Variants in FAT3 observed in about 807,000 individuals in gnomAD.
FAT3 encodes the protein FAT atypical cadherin 3.
FAT3 carries 95 observed loss-of-function variants against 310.2 expected under a neutral mutation model. The ratio of observed to expected loss-of-function variants is 0.31; its 90% CI spans 0.26 to 0.36. The LOEUF is 0.36. Ranked by LOEUF, FAT3 falls within the 10% of genes least tolerant of loss-of-function variation. The probability of loss-of-function intolerance (pLI) is 1.00; values close to 1 mark genes in which losing one functional copy is unlikely to be tolerated. For missense variants in FAT3, 5,408 were observed against 5,715.6 expected, an observed-to-expected ratio of 0.95 and a Z score of 1.74; for synonymous variants, 2,314 against 2,192.9, an observed-to-expected ratio of 1.06 and a Z score of -1.54.
At chr11:92,653,649 A>C (rs2135768888) in intron 3 of FAT3, among the ~76,000 whole-genome samples, 1 of 152,354 alleles carries the variant, frequency 6.6e-6, no homozygotes, top group Non-Finnish European at 1.5e-5. Flanking sequence ...GTTTCACAAT[A>C]GAGCTTAAAT....
intron 7 of FAT3, among the ~76,000 whole-genome samples, chr11:92,775,586 A>G (rs575201472): frequency 7.9e-5 from 12 of 152,202 alleles, no homozygotes; most frequent in Non-Finnish European, 1.6e-4. Flanking sequence ...TGCCTTAAAG[A>G]GTCCCATTTA....
intron 4 of FAT3, among the ~76,000 whole-genome samples, chr11:92,733,683 G>A (rs1188972504): frequency 6.6e-6 from 1 of 152,140 alleles, no homozygotes; most frequent in South Asian, 2.1e-4. Flanking sequence ...TGACTTGAGA[G>A]AGAAGATATG....
chr11:92,836,099 A>C (rs988808431), intron 15 of FAT3, among the ~76,000 whole-genome samples: 7 of 152,196 alleles, frequency 4.6e-5, no homozygotes, highest in African/African-American at 1.7e-4. Flanking sequence ...AAATTTCAAC[A>C]TCATCAACCT....
In FAT3 at chr11:92,350,882, G is replaced by A. The variant is rs140257554; in HGVS notation, c.-17-1214G>A. The stretch of plus-strand genomic sequence containing the variant: ...AAGGAAGAAAAGGAGAATGTCAAGG[G>A]CTTGCAGAGTATAAGACTGGATGGA... On this transcript the variant is annotated intron_variant, in intron 1 of 27. Transcript: ENST00000525166. 1.5e-4 allele frequency among the ~76,000 whole-genome samples: 23 copies of A among 152,224 alleles called. No individual in the cohort carries two copies. The East Asian group carries it at 3.3e-3, about 22-fold the overall frequency.
At chr11:92,886,940 CT>C in intron 24 of FAT3, 59 bp from the exon 25 acceptor site, 1 of 1,382,094 alleles carries the variant, frequency 7.2e-7, no homozygotes, top group Non-Finnish European at 1.0e-6. Flanking sequence ...GTGGGTGGGA[CT>C]GGAAATAGGC....
intron 4 of FAT3, among the ~76,000 whole-genome samples, chr11:92,715,540 T>G (rs1304447517): frequency 6.6e-6 from 1 of 152,012 alleles, no homozygotes; most frequent in Non-Finnish European, 1.5e-5. Context: ...TAATTAACCA[T>G]AAACACACTC....
intron 2 of FAT3, among the ~76,000 whole-genome samples, chr11:92,455,031 A>G (rs976572742): frequency 3.3e-5 from 5 of 152,162 alleles, no homozygotes; most frequent in African/African-American, 9.7e-5. Context: ...GGGAGTTCCC[A>G]TGTACTGTAT....
chr11:92,353,728 C>T lies in FAT3; in HGVS notation c.1616C>T (p.Ser539Phe), dbSNP rs1315776262. ...STTEELDFES[S>F]PEIYRFIVRA... ...ACTGAAGAACTGGATTTTGAATCCT[C>T]CCCAGAAATTTACAGATTCATTGTT... The change falls in exon 2 of 28, where the codon TCC (serine) becomes TTC (phenylalanine). Residue 539 changes from serine (S) to phenylalanine (F), a missense_variant. By Grantham distance (155) the Ser-to-Phe change is radical (BLOSUM62 -2). Around this residue, in one of 5 missense-constraint regions of FAT3, gnomAD observed 4,588 missense variants for 4,809.8 expected, o/e 0.95. Coordinates refer to ENST00000525166, the MANE Select transcript of FAT3 (RefSeq NM_001367949.2). The T allele has an allele frequency of 1.9e-6, 3 of 1,613,866 alleles. No homozygotes were observed. Among genetic ancestry groups the T allele is most frequent in the Non-Finnish European group, 2.5e-6 (3 of 1,179,854 alleles).
At chr11:92,386,941 C>G (rs1949637509) in intron 2 of FAT3, among the ~76,000 whole-genome samples, 2 of 152,156 alleles carry the variant, frequency 1.3e-5, no homozygotes. Flanking sequence ...GTGTGGGATT[C>G]TAGACAGCCA....
chr11:92,820,894 C>A (rs1947948870), intron 13 of FAT3, among the ~76,000 whole-genome samples: 1 of 152,208 alleles, frequency 6.6e-6, no homozygotes, highest in South Asian at 2.1e-4. Flanking sequence ...ATTCCCTGAT[C>A]ATAGCCATTA....
chr11:92,393,867 A>T (rs752924714), intron 2 of FAT3, among the ~76,000 whole-genome samples: 39 of 152,118 alleles, frequency 2.6e-4, no homozygotes, highest in Non-Finnish European at 5.1e-4. Context: ...CTTTCTGTTG[A>T]CACTAACATG....
At chr11:92,587,400 C>G (rs1939209536) in intron 3 of FAT3, among the ~76,000 whole-genome samples, 1 of 151,874 alleles carries the variant, frequency 6.6e-6, no homozygotes, top group Non-Finnish European at 1.5e-5. Context: ...AACGAATCTG[C>G]TTTTACTTTT....
chr11:92,884,290 A>T (rs1374289967), intron 24 of FAT3, among the ~76,000 whole-genome samples: 10 of 152,204 alleles, frequency 6.6e-5, no homozygotes. Context: ...TACATTTTTT[A>T]AAGCTGGCTC....
At chr11:92,864,876 T>C (rs1949199565) in intron 21 of FAT3, among the ~76,000 whole-genome samples, 1 of 152,202 alleles carries the variant, frequency 6.6e-6, no homozygotes, top group South Asian at 2.1e-4. Flanking sequence ...TAAACATTTG[T>C]CTTCAGTCTT....
intron 22 of FAT3, 112 bp from the exon 23 acceptor site, chr11:92,880,619 C>T (rs887383859): frequency 8.8e-5 from 108 of 1,220,942 alleles, no homozygotes; most frequent in Non-Finnish European, 1.1e-4. Flanking sequence ...GGAATTTGGG[C>T]CCTTCCTATT....
At chr11:92,813,088 G>A (rs1053716315) in intron 13 of FAT3, among the ~76,000 whole-genome samples, 2 of 152,082 alleles carry the variant, frequency 1.3e-5, no homozygotes, top group Admixed American at 6.6e-5. Context: ...TGCTGTGATT[G>A]TAAGTTTCCT....
At chr11:92,522,656 A>G (rs1223428249) in intron 2 of FAT3, among the ~76,000 whole-genome samples, 1 of 152,184 alleles carries the variant, frequency 6.6e-6, no homozygotes, top group African/African-American at 2.4e-5. Flanking sequence ...GATTTGTCTC[A>G]CAAACATTAC....
At chr11:92,436,490 C>A (rs968119910) in intron 2 of FAT3, among the ~76,000 whole-genome samples, 1 of 152,114 alleles carries the variant, frequency 6.6e-6, no homozygotes, top group South Asian at 2.1e-4. Context: ...GCTACAGATC[C>A]CTTTGTTAAG....
intron 7 of FAT3, among the ~76,000 whole-genome samples, chr11:92,775,867 G>A (rs1591716859): frequency 1.3e-5 from 2 of 152,042 alleles, no homozygotes; most frequent in Admixed American, 6.6e-5. Flanking sequence ...TCACCCTATC[G>A]AAAATCATAC....
Sources: allele counts gnomAD v4.1 joint callset (sites outside exome capture counted in the v4.1 genomes callset), GRCh38; gene constraint gnomAD v4.1.1; regional missense constraint gnomAD v4.1.1; transcripts MANE v1.5; gene names NCBI Gene and HGNC (gene_info 2026-07-23, HGNC 2026-07-21).